ADGRB3: variants seen among roughly 807,000 people sequenced by gnomAD.
The protein encoded by ADGRB3 is brain-specific angiogenesis inhibitor 3.
A neutral mutation model predicts 193.4 loss-of-function variants in ADGRB3; 37 were observed. That is an observed-to-expected ratio of 0.19 (90% CI 0.15 to 0.25). The LOEUF (loss-of-function observed/expected upper bound fraction) is 0.25, where lower values mean the gene tolerates loss of function less well. Among genes scored for constraint, ADGRB3 ranks in the 10% least tolerant of loss-of-function variants. ADGRB3 has a pLI of 1.00. For synonymous variants in ADGRB3, 690 were observed against 644.2 expected, an observed-to-expected ratio of 1.07 and a Z score of -1.08; for missense variants, 1,637 against 1,852.9, an observed-to-expected ratio of 0.88 and a Z score of 2.14.
At chr6:69,089,969 C>T (rs889464564) in intron 17 of ADGRB3, among the ~76,000 whole-genome samples, 1 of 152,104 alleles carries the variant, frequency 6.6e-6, no homozygotes, top group Non-Finnish European at 1.5e-5. Flanking sequence ...AAATTTTTGC[C>T]CCCAACTTAG....
At chr6:69,211,100 C>T (rs985128703) in intron 17 of ADGRB3, among the ~76,000 whole-genome samples, 9 of 151,810 alleles carry the variant, frequency 5.9e-5, no homozygotes, top group Non-Finnish European at 1.0e-4. Context: ...CCAGCCTGGG[C>T]GAGAGAGAGA....
At chr6:69,146,185 A>T (rs1162024557) in intron 17 of ADGRB3, among the ~76,000 whole-genome samples, 1 of 151,866 alleles carries the variant, frequency 6.6e-6, no homozygotes, top group Non-Finnish European at 1.5e-5. Context: ...CCTCAGCTTT[A>T]CCCCCATGCT....
chr6:68,849,935 T>G (rs933937771), intron 3 of ADGRB3, among the ~76,000 whole-genome samples: 3 of 152,000 alleles, frequency 2.0e-5, no homozygotes, highest in African/African-American at 7.2e-5. Flanking sequence ...AATAGAATGA[T>G]TTTTTAAATC....
intron 3 of ADGRB3, among the ~76,000 whole-genome samples, chr6:68,904,175 C>T (rs575792271): frequency 1.3e-5 from 2 of 151,634 alleles, no homozygotes; most frequent in Non-Finnish European, 2.9e-5. Context: ...TGAAAATATT[C>T]AAATTTGTAA....
At chr6:68,971,242 A>G (rs1047047063) in intron 8 of ADGRB3, among the ~76,000 whole-genome samples, 1 of 152,232 alleles carries the variant, frequency 6.6e-6, no homozygotes, top group Non-Finnish European at 1.5e-5. Context: ...CCTAAACAAT[A>G]CAGTATAGCA....
chr6:68,788,120 A>G (rs1767015872), intron 3 of ADGRB3, among the ~76,000 whole-genome samples: 2 of 152,050 alleles, frequency 1.3e-5, no homozygotes, highest in Non-Finnish European at 1.5e-5. Flanking sequence ...TGGATTCATT[A>G]ATTTTTTGAA....
chr6:69,317,495 A>G (rs775733985), intron 20 of ADGRB3, among the ~76,000 whole-genome samples: 1 of 151,532 alleles, frequency 6.6e-6, no homozygotes, highest in African/African-American at 2.4e-5. Flanking sequence ...ACAAAGTTTC[A>G]GCTATTCTGT....
At chr6:68,666,565 T>C (rs1483562092) in intron 3 of ADGRB3, among the ~76,000 whole-genome samples, 1 of 151,842 alleles carries the variant, frequency 6.6e-6, no homozygotes, top group Admixed American at 6.6e-5. Flanking sequence ...AATAACATTG[T>C]GGTTTTTGTA....
Position 69,332,746 on chromosome 6 carries a change from A to T in ADGRB3, c.3103-177A>T. On this transcript the variant is annotated intron_variant, in intron 23 of 31. Coordinates refer to ENST00000370598, the MANE Select transcript of ADGRB3 (RefSeq NM_001704.3). ...ATGTACTTTACAACTTTAAAGTAGC[A>T]CACCACTGTTAAATTGTTCCGTATG... is the stretch of plus-strand genomic sequence containing the variant. 9 of 985,460 alleles carry T rather than the reference A, an allele frequency of 9.1e-6. No homozygotes were observed. The South Asian group carries it at 3.8e-4, about 41-fold the overall frequency. 61.0% of individuals were successfully genotyped at this position (985,460 alleles called of 1,614,324 possible). A position where few individuals can be genotyped will look rare whatever the true frequency, so the allele number is the denominator to read the frequency against.
intron 17 of ADGRB3, among the ~76,000 whole-genome samples, chr6:69,220,950 T>C (rs1420377284): frequency 6.6e-6 from 1 of 152,038 alleles, no homozygotes; most frequent in East Asian, 1.9e-4. Context: ...CAATTTCTGA[T>C]TGGGTTGTAG....
At chr6:68,802,582 A>G (rs1767333128) in intron 3 of ADGRB3, among the ~76,000 whole-genome samples, 1 of 152,188 alleles carries the variant, frequency 6.6e-6, no homozygotes, top group Non-Finnish European at 1.5e-5. Context: ...AACAAACTTC[A>G]AAGTGTATGT....
chr6:69,241,826 ATTGAT>A (rs1439313343), intron 20 of ADGRB3, among the ~76,000 whole-genome samples: 60 of 151,982 alleles, frequency 3.9e-4, no homozygotes, highest in African/African-American at 1.4e-3. Context: ...TACTATAGTT[ATTGAT>A]GCATTCGGGG....
chr6:68,754,278 T>C (rs1318411812), intron 3 of ADGRB3, among the ~76,000 whole-genome samples: 1 of 152,214 alleles, frequency 6.6e-6, no homozygotes, highest in Non-Finnish European at 1.5e-5. Context: ...CTGAACACTT[T>C]CCTTTCATGC....
chr6:69,189,232 C>T (rs1162379721), intron 17 of ADGRB3, among the ~76,000 whole-genome samples: 1 of 152,154 alleles, frequency 6.6e-6, no homozygotes, highest in African/African-American at 2.4e-5. Flanking sequence ...GGTGCAGTCA[C>T]AATAGGAACT....
Position 68,735,871 on chromosome 6 carries a change from A to T in ADGRB3, c.757+96439A>T, listed in dbSNP as rs181668906. On this transcript the variant is annotated intron_variant, in intron 3 of 31. Transcript: ENST00000370598. ...TCGATGAAAGGTTTTGGATGAAAAG[A>T]TTTTGCAGTCTTTATAGAGCAGCAA... 2.8e-3 allele frequency among the ~76,000 whole-genome samples: 428 copies of T among 152,296 alleles called. 1 individual carries two copies. Among genetic ancestry groups the T allele is most frequent in the Non-Finnish European group, 4.6e-3 (311 of 68,028 alleles).
chr6:69,163,911 G>C (rs1022971892), intron 17 of ADGRB3, among the ~76,000 whole-genome samples: 62 of 152,010 alleles, frequency 4.1e-4, no homozygotes, highest in African/African-American at 1.5e-3. Flanking sequence ...TTTCAACCAC[G>C]ACTTTCTTCT....
At chr6:69,018,520 C>T (rs2150287251) in intron 13 of ADGRB3, 21 bp downstream of exon 13, 1 of 1,530,764 alleles carries the variant, frequency 6.5e-7, no homozygotes, top group Non-Finnish European at 9.0e-7. Context: ...GGATTTTCCC[C>T]CAAAATCTTT....
intron 10 of ADGRB3, among the ~76,000 whole-genome samples, chr6:68,985,907 C>T (rs1016264675): frequency 1.3e-5 from 2 of 152,012 alleles, no homozygotes; most frequent in African/African-American, 4.8e-5. Context: ...GCTTGGGCAC[C>T]AGTCTGTGGC....
intron 20 of ADGRB3, among the ~76,000 whole-genome samples, chr6:69,265,290 C>T (rs1320966209): frequency 6.6e-6 from 1 of 151,898 alleles, no homozygotes; most frequent in Non-Finnish European, 1.5e-5. Context: ...ATAGACCTTA[C>T]AAGGTGAACA....
Sources: allele counts gnomAD v4.1 joint callset (sites outside exome capture counted in the v4.1 genomes callset), GRCh38; gene constraint gnomAD v4.1.1; transcripts MANE v1.5; gene names NCBI Gene and HGNC (gene_info 2026-07-23, HGNC 2026-07-21).